KCNE3: variants seen among roughly 807,000 people sequenced by gnomAD.
KCNE3 encodes potassium voltage-gated channel subfamily E member 3.
A neutral mutation model predicts 4.3 loss-of-function variants in KCNE3; 2 were observed. The ratio of observed to expected loss-of-function variants is 0.47; its 90% confidence interval spans 0.19 to 1.48. The LOEUF (loss-of-function observed/expected upper bound fraction) is 1.48. KCNE3 is among the 40% of genes most tolerant of loss of function. The probability of loss-of-function intolerance (pLI) is 0.25; values close to 1 mark genes in which losing one functional copy is unlikely to be tolerated. For synonymous variants in KCNE3, 47 were observed against 52.0 expected (o/e 0.90, Z 0.41); for missense variants, 128 against 136.8 (o/e 0.94, Z 0.32).
chr11:74,459,483 C>G (rs1272163928), intron 2 of KCNE3, among the ~76,000 whole-genome samples: 3 of 151,946 alleles, frequency 2.0e-5, no homozygotes, highest in Non-Finnish European at 4.4e-5. Context: ...AGGATGGTCT[C>G]GATCTCCTGA....
rs72550302 is a variant in KCNE3, at chr11:74,463,108, C to G, written c.-189-1005G>C. Among the ~76,000 whole-genome samples the G allele has an allele frequency of 2.6e-3, 389 of 152,218 alleles. 3 individuals carry two copies. The highest frequency in any genetic ancestry group is 9.0e-3 in the African/African-American group (372 of 41,520). ...AAACTGAGAGATTTACTCATTTTTC[C>G]TCTTCACAGCTCACCTGCCAGGATG... On this transcript the variant is annotated intron_variant, in intron 1 of 2. Coordinates refer to ENST00000310128, the MANE Select transcript of KCNE3 (RefSeq NM_005472.5).
chr11:74,461,292 TTGTGTGTGTGTG>T (rs4018948), intron 2 of KCNE3, among the ~76,000 whole-genome samples: 8 of 148,376 alleles, frequency 5.4e-5, no homozygotes, highest in African/African-American at 1.3e-4. Flanking sequence ...TTTTTATGTT[TTGTGTGTGTGTG>T]TGTGTGTGTG....
At chr11:74,462,937 G>A (rs1297300003) in intron 1 of KCNE3, 1 of 152,288 alleles carries the variant, frequency 6.6e-6, no homozygotes, top group East Asian at 1.9e-4. Context: ...ACCATGGGAA[G>A]TTGGAGAGGC....
rs1027355548 is a variant in KCNE3, at chr11:74,454,928, A to G, written c.*2324T>C. 4 of 152,142 alleles carry G rather than the reference A, an allele frequency of 2.6e-5. No homozygotes were observed. Among genetic ancestry groups the G allele is most frequent in the Non-Finnish European group, 5.9e-5 (4 of 68,030 alleles). The allele number at this position is 152,142 out of a possible 1,614,324, so 9.4% of individuals were successfully genotyped here. A position where few individuals can be genotyped will look rare whatever the true frequency, so the allele number is the denominator to read the frequency against. ...ATTTCTGAATCTGTTGTCTTCCCAT[A>G]TGTCACATCTCCTTAAGGAAGTCTC... On this transcript the variant is annotated 3_prime_UTR_variant, in exon 3 of 3. Transcript: ENST00000310128.
At position 74,456,870 on chromosome 11, in the gene KCNE3, A is replaced by T; in HGVS notation, c.*382T>A. ...ACTGCTTCTCATGGCTGAAGATAAC[A>T]CATAAAAAATGTGTCCCCAGAGCAT... is the stretch of plus-strand genomic sequence containing the variant. On this transcript the variant is annotated 3_prime_UTR_variant, in exon 3 of 3. Transcript: ENST00000310128. The T allele has an allele frequency of 3.4e-6, 1 of 292,882 alleles. No individual in the cohort carries two copies. Among genetic ancestry groups the T allele is most frequent in the Non-Finnish European group, 6.7e-6 (1 of 149,856 alleles). The allele number at this position is 292,882 out of a possible 1,614,324, so 18.1% of individuals were successfully genotyped here.
intron 1 of KCNE3, among the ~76,000 whole-genome samples, chr11:74,465,281 G>A (rs996842761): frequency 1.3e-5 from 2 of 151,990 alleles, no homozygotes; most frequent in Non-Finnish European, 2.9e-5. Flanking sequence ...GCATTCCCCC[G>A]CTCTGGCACA....
In KCNE3 at chr11:74,466,188, C is replaced by T. The variant is rs1864054057; in HGVS notation, c.-190+1210G>A. Among the ~76,000 whole-genome samples, 3 of 152,334 alleles carry T rather than the reference C, an allele frequency of 2.0e-5. No homozygotes were observed. The South Asian group carries it at 6.2e-4, about 32-fold the overall frequency. On this transcript the variant is annotated intron_variant, in intron 1 of 2. Transcript: ENST00000310128. ...GTGCGTTTTGGTTAAGTAACTTTAT[C>T]ACTCTAAGTCTATATCCCTCTAGGC... is the stretch of plus-strand genomic sequence containing the variant.
chr11:74,455,578 G>A lies in KCNE3; in HGVS notation c.*1674C>T, dbSNP rs1349638308. The A allele has an allele frequency of 3.9e-5, 6 of 152,170 alleles. No individual in the cohort carries two copies. Among genetic ancestry groups the A allele is most frequent in the Non-Finnish European group, 5.9e-5 (4 of 68,026 alleles). 9.4% of individuals were successfully genotyped at this position (152,170 alleles called of 1,614,324 possible). Reference sequence around the variant, plus strand: ...TTATGTTGAAGAGGAAAACGGATGAGGGAGAGAAGTGTCCAGCCTAAGATC... The same window carrying A: ...TTATGTTGAAGAGGAAAACGGATGAAGGAGAGAAGTGTCCAGCCTAAGATC... On this transcript the variant is annotated 3_prime_UTR_variant, in exon 3 of 3. Transcript: ENST00000310128.
Position 74,457,937 on chromosome 11 carries a change from T to C in KCNE3, c.-40-334A>G, listed in dbSNP as rs655928. 0.96 allele frequency among the ~76,000 whole-genome samples: 145,985 copies of C among 152,286 alleles called. 70,339 individuals carry two copies. Among genetic ancestry groups the C allele is most frequent in the East Asian group, 1 (5,180 of 5,180 alleles). Reference sequence around the variant, plus strand: ...TTAAGATGTGCCTTTGCTCCTCCTTTGCCTTCTGCCGTGATTGTGAGGCCT... The same window carrying C: ...TTAAGATGTGCCTTTGCTCCTCCTTCGCCTTCTGCCGTGATTGTGAGGCCT... On this transcript the variant is annotated intron_variant, in intron 2 of 2. Coordinates refer to ENST00000310128, the MANE Select transcript of KCNE3 (RefSeq NM_005472.5).
rs113590200 is a variant in KCNE3 at position 74,459,484 on chromosome 11, G to C, written c.-40-1881C>G. 4.3e-4 allele frequency among the ~76,000 whole-genome samples: 66 copies of C among 151,956 alleles called. No individual in the cohort carries two copies. The East Asian group carries it at 4.9e-3, about 11-fold the overall frequency. ...TCACCATGTTAGCCAGGATGGTCTC[G>C]ATCTCCTGACTTTGTGATTCGCCCA... is the stretch of plus-strand genomic sequence containing the variant. On this transcript the variant is annotated intron_variant, in intron 2 of 2. Coordinates refer to ENST00000310128, the MANE Select transcript of KCNE3 (RefSeq NM_005472.5).
chr11:74,461,292 T>TTGTG lies in KCNE3; in HGVS notation c.-41+659_-41+662dup, dbSNP rs4018948. On this transcript the variant is annotated intron_variant, in intron 2 of 2. Coordinates refer to ENST00000310128, the MANE Select transcript of KCNE3 (RefSeq NM_005472.5). ...GACTAAGATGGTATATTTTTATGTTTTGTGTGTGTGTGTGTGTGTGTGTGT... is the reference window on the plus strand; with the variant it reads ...GACTAAGATGGTATATTTTTATGTTTTGTGTGTGTGTGTGTGTGTGTGTGTGTGT... Among the ~76,000 whole-genome samples, 967 of 148,452 alleles carry TTGTG rather than the reference T, an allele frequency of 6.5e-3. 12 individuals are homozygous for TTGTG. Among genetic ancestry groups the TTGTG allele is most frequent in the African/African-American group, 0.021 (843 of 40,006 alleles).
intron 1 of KCNE3, among the ~76,000 whole-genome samples, chr11:74,463,158 T>A: frequency 6.6e-6 from 1 of 152,044 alleles, no homozygotes; most frequent in African/African-American, 2.4e-5. Flanking sequence ...GGGGATAGAC[T>A]CTGCAGAAGG....
chr11:74,457,141 TG>T lies in KCNE3; in HGVS notation c.*110del, dbSNP rs1863835769. 9.3e-7 allele frequency: 1 copy of T among 1,077,030 alleles called. No individual in the cohort carries two copies. Among genetic ancestry groups the T allele is most frequent in the Non-Finnish European group, 1.4e-6 (1 of 716,250 alleles). 66.7% of individuals were successfully genotyped at this position (1,077,030 alleles called of 1,614,324 possible). ...GACCTCCCTTAACCGTGTTTCTTGT[TG>T]ATCTTACAGATAGGGACACTGAGAC... On this transcript the variant is annotated 3_prime_UTR_variant, in exon 3 of 3. Transcript: ENST00000310128.
intron 2 of KCNE3, among the ~76,000 whole-genome samples, chr11:74,458,224 C>A (rs1863867920): frequency 6.6e-6 from 1 of 152,214 alleles, no homozygotes; most frequent in African/African-American, 2.4e-5. Context: ...TACAACAAAG[C>A]CTTCCCTGAC....
chr11:74,465,799 G>C (rs759118024), intron 1 of KCNE3, among the ~76,000 whole-genome samples: 2 of 152,184 alleles, frequency 1.3e-5, no homozygotes, highest in Non-Finnish European at 2.9e-5. Context: ...CAAGAGATGG[G>C]AATGTTTTAG....
At position 74,456,820 on chromosome 11, in the gene KCNE3, A is replaced by G. The variant is rs1408209324; in HGVS notation, c.*432T>C. On this transcript the variant is annotated 3_prime_UTR_variant, in exon 3 of 3. Coordinates refer to ENST00000310128, the MANE Select transcript of KCNE3 (RefSeq NM_005472.5). Reference sequence around the variant, plus strand: ...GGGGGCAGGGTGGTGGTGGTAAATCATATCTGTGATATGGGATAGTCATCA... The same window carrying G: ...GGGGGCAGGGTGGTGGTGGTAAATCGTATCTGTGATATGGGATAGTCATCA... 4.7e-6 allele frequency: 1 copy of G among 210,872 alleles called. No individual in the cohort carries two copies. The highest frequency in any genetic ancestry group is 9.7e-6 in the Non-Finnish European group (1 of 103,420). 13.1% of individuals were successfully genotyped at this position (210,872 alleles called of 1,614,324 possible).
In KCNE3 at chr11:74,457,111, G is replaced by C; in HGVS notation, c.*141C>G. ...TACCAGCCCCTCTTCTCCCACCCCA[G>C]TGACGACCTCCCTTAACCGTGTTTC... On this transcript the variant is annotated 3_prime_UTR_variant, in exon 3 of 3. Coordinates refer to ENST00000310128, the MANE Select transcript of KCNE3 (RefSeq NM_005472.5). The C allele has an allele frequency of 1.2e-6, 1 of 845,044 alleles. No homozygotes were observed. Among genetic ancestry groups the C allele is most frequent in the Non-Finnish European group, 1.9e-6 (1 of 513,814 alleles). The allele number at this position is 845,044 out of a possible 1,614,324, so 52.3% of individuals were successfully genotyped here.
rs1863814604 is a variant in KCNE3, at chr11:74,456,335, A to AAAC, written c.*916_*917insGTT. 1 of 141,790 alleles carries AAAC rather than the reference A, an allele frequency of 7.1e-6. No individual in the cohort carries two copies. The highest frequency in any genetic ancestry group is 1.6e-5 in the Non-Finnish European group (1 of 64,190). 8.8% of individuals were successfully genotyped at this position (141,790 alleles called of 1,614,324 possible). A position where few individuals can be genotyped will look rare whatever the true frequency, so the allele number is the denominator to read the frequency against. On this transcript the variant is annotated 3_prime_UTR_variant, in exon 3 of 3. Coordinates refer to ENST00000310128, the MANE Select transcript of KCNE3 (RefSeq NM_005472.5). ...TGACATAGGGAGACTGTCTCAAAAA[A>AAAC]AAAAAAAGAAAAGAAAAGAAAAGAA...
intron 2 of KCNE3, 117 bp from the exon 3 acceptor site, chr11:74,457,720 C>G: frequency 1.4e-6 from 1 of 718,198 alleles, no homozygotes; most frequent in South Asian, 1.6e-5. Context: ...TTGGCTGTGT[C>G]CCCACCCAAA....
Sources: gnomAD v4.1 joint callset for allele counts (sites outside exome capture counted in the v4.1 genomes callset) on GRCh38, gnomAD v4.1.1 for gene constraint, MANE v1.5 for transcripts, NCBI Gene and HGNC (gene_info 2026-07-23, HGNC 2026-07-21) for gene names.